The following LRP2 variants were observed in gnomAD, a reference collection of about 807,000 sequenced individuals.
The protein encoded by LRP2 is LDL receptor related protein 2.
LRP2 carries 172 observed loss-of-function variants against 531.0 expected under a neutral mutation model. The observed-to-expected ratio is 0.32, with a 90% CI of 0.29 to 0.37. LRP2 has a LOEUF of 0.37. LRP2 is among the 10% of genes least tolerant of loss of function. LRP2 has a pLI of 1.00. For synonymous variants in LRP2, 1,992 were observed against 2,027.6 expected (o/e 0.98, Z 0.47); for missense variants, 5,167 against 5,868.3 (o/e 0.88, Z 3.90).
chr2:169,359,863 C>T (rs1686096836), intron 1 of LRP2, among the ~76,000 whole-genome samples: 2 of 152,052 alleles, frequency 1.3e-5, no homozygotes, highest in Non-Finnish European at 2.9e-5. Context: ...GTGGCTCACA[C>T]CTGTAATCCT....
rs1368246151 is a variant in LRP2 at position 169,162,531 on chromosome 2, T to C, written c.11828A>G (p.His3943Arg). The change falls in exon 63 of 79, where the codon CAT becomes CGT. Residue 3943 changes from histidine (H) to arginine (R), a missense_variant. Physicochemically the swap from His to Arg is conservative, Grantham distance 29 (BLOSUM62 0). Around this residue, in one of 6 missense-constraint regions of LRP2, gnomAD observed 564 missense variants for 747.7 expected, o/e 0.75. Transcript: ENST00000649046. ...ATCGGCATCATCACACACATTGTCATGTGGAATGCAATGCCCATTGCCACA... is the reference window on the plus strand; with the variant it reads ...ATCGGCATCATCACACACATTGTCACGTGGAATGCAATGCCCATTGCCACA... ...YKCGNGHCIP[H>R]DNVCDDADDC... The C allele has an allele frequency of 6.2e-7, 1 of 1,614,226 alleles. No homozygotes were observed. The highest frequency in any genetic ancestry group is 8.5e-7 in the Non-Finnish European group (1 of 1,180,030).
intron 9 of LRP2, among the ~76,000 whole-genome samples, 197 bp from the exon 10 acceptor site, chr2:169,283,198 T>G (rs961510122): frequency 6.6e-6 from 1 of 152,216 alleles, no homozygotes; most frequent in Non-Finnish European, 1.5e-5. Flanking sequence ...TACATCATTT[T>G]TTAAACCTAC....
chr2:169,224,221 C>G (rs1289249571), intron 33 of LRP2, among the ~76,000 whole-genome samples: 3 of 152,186 alleles, frequency 2.0e-5, no homozygotes, highest in Non-Finnish European at 4.4e-5. Context: ...CAGCTGGTGC[C>G]CACCTAAAGC....
intron 60 of LRP2, among the ~76,000 whole-genome samples, chr2:169,169,203 CTCTCAGTCT>C (rs1249220088): frequency 1.3e-5 from 2 of 152,212 alleles, no homozygotes; most frequent in Non-Finnish European, 2.9e-5. Flanking sequence ...ATTTTGATCT[CTCTCAGTCT>C]TCTCAGTCTC....
intron 50 of LRP2, chr2:169,182,709 T>TA: frequency 2.2e-5 from 17 of 767,818 alleles, no homozygotes; most frequent in Non-Finnish European, 2.7e-5. Flanking sequence ...GAAACACACT[T>TA]GTCTAAGTGT....
chr2:169,185,837 T>C lies in LRP2; in HGVS notation c.9511A>G (p.Ile3171Val). The change falls in exon 50 of 79, where the codon ATA becomes GTA. Residue 3171 changes from isoleucine to valine, a missense_variant. Coordinates refer to ENST00000649046, the MANE Select transcript of LRP2 (RefSeq NM_004525.3). ...GCACACTTACAGATGTAGGAGCCTA[T>C]TACATTCTCACACTTCTGGCTACAG... ...FVCSQKCENV[I>V]GSYICKCAPG... 1 of 1,614,100 alleles carries C rather than the reference T, an allele frequency of 6.2e-7. No individual in the cohort carries two copies. The highest frequency in any genetic ancestry group is 8.5e-7 in the Non-Finnish European group (1 of 1,179,994).
intron 1 of LRP2, among the ~76,000 whole-genome samples, chr2:169,358,843 GT>G (rs1686064407): frequency 7.8e-6 from 1 of 128,742 alleles, no homozygotes; most frequent in South Asian, 2.6e-4. Context: ...TGAAAAATAA[GT>G]TTTTTTAATT....
chr2:169,346,205 C>G (rs1220847263), intron 1 of LRP2, among the ~76,000 whole-genome samples: 16 of 152,154 alleles, frequency 1.1e-4, no homozygotes, highest in Admixed American at 1.0e-3. Context: ...TAGCCCAAGT[C>G]CCTCTTGGTG....
chr2:169,148,676 A>G (rs770329874), intron 68 of LRP2, among the ~76,000 whole-genome samples: 1 of 152,200 alleles, frequency 6.6e-6, no homozygotes, highest in Non-Finnish European at 1.5e-5. Context: ...AAAGTATTAA[A>G]TACTCAAAAC....
rs1688411669 is a variant in LRP2, at chr2:169,206,896, C to T, written c.6824G>A (p.Ser2275Asn). The T allele has an allele frequency of 1.2e-6, 2 of 1,614,042 alleles. No homozygotes were observed. The highest frequency in any genetic ancestry group is 8.5e-7 in the Non-Finnish European group (1 of 1,180,046). ...GATGCCATAAGGAGTTGGGTAACGA[C>T]TGCCATAACGAATCACTTCAGAGTT... ...GENSEVIRYGSRYPTPYGITV... is the reference protein window; with the variant it reads ...GENSEVIRYGNRYPTPYGITV... Residue 2275 changes from serine (S) to asparagine (N), a missense_variant, in exon 39 of 79, where the codon AGT (serine) becomes AAT (asparagine). Coordinates refer to ENST00000649046, the MANE Select transcript of LRP2 (RefSeq NM_004525.3).
chr2:169,238,056 C>G, intron 27 of LRP2, 35 bp downstream of exon 27: 1 of 1,582,232 alleles, frequency 6.3e-7, no homozygotes, highest in Non-Finnish European at 8.7e-7. Context: ...GACAGAGGAA[C>G]TAGCCAGGCC....
At chr2:169,289,288 T>A in intron 8 of LRP2, 143 bp from the exon 9 acceptor site, 1 of 1,016,642 alleles carries the variant, frequency 9.8e-7, no homozygotes, top group Non-Finnish European at 1.5e-6. Flanking sequence ...CAAAGCTTAC[T>A]GCAAAACTTT....
chr2:169,265,269 A>G (rs1448031148), intron 16 of LRP2, among the ~76,000 whole-genome samples: 7 of 152,094 alleles, frequency 4.6e-5, no homozygotes, highest in Non-Finnish European at 8.8e-5. Context: ...GACCATCTCC[A>G]GAAAAGACTC....
intron 16 of LRP2, among the ~76,000 whole-genome samples, chr2:169,264,075 A>G (rs1690688149): frequency 6.6e-6 from 1 of 152,244 alleles, no homozygotes; most frequent in African/African-American, 2.4e-5. Context: ...GAAGGGGAAC[A>G]TCACACTCTG....
intron 4 of LRP2, among the ~76,000 whole-genome samples, chr2:169,297,733 T>C (rs1194456740): frequency 6.6e-6 from 1 of 152,168 alleles, no homozygotes; most frequent in Non-Finnish European, 1.5e-5. Flanking sequence ...GTTTACATAA[T>C]CAGGGAGGAG....
chr2:169,197,060 G>A, intron 45 of LRP2, 30 bp from the exon 46 acceptor site: 2 of 1,611,972 alleles, frequency 1.2e-6, no homozygotes, highest in Non-Finnish European at 1.7e-6. Context: ...TAAAACCCAT[G>A]AGCAAAACAC....
intron 33 of LRP2, among the ~76,000 whole-genome samples, chr2:169,223,871 G>C (rs187379617): frequency 2.0e-5 from 3 of 152,318 alleles, no homozygotes; most frequent in African/African-American, 7.2e-5. Context: ...CTGCCCTCAG[G>C]AATGTTGTGA....
At chr2:169,131,967 C>A (rs1685306686) in intron 77 of LRP2, among the ~76,000 whole-genome samples, 1 of 152,136 alleles carries the variant, frequency 6.6e-6, no homozygotes, top group Non-Finnish European at 1.5e-5. Flanking sequence ...TGCAAAGGAC[C>A]TGCAGGCATG....
chr2:169,270,973 G>T lies in LRP2; in HGVS notation c.2251C>A (p.Gln751Lys), dbSNP rs758682329. 6.2e-7 allele frequency: 1 copy of T among 1,613,216 alleles called. No homozygotes were observed. Among genetic ancestry groups the T allele is most frequent in the Non-Finnish European group, 8.5e-7 (1 of 1,179,596 alleles). ...SFFVGIDFDA[Q>K]DSTIFFSDMS... ...TCTGAAAAAAAGATAGTGCTGTCCT[G>T]GGCGTCAAAATCAATCCCGACAAAG... The change falls in exon 16 of 79, where the codon CAG becomes AAG. Residue 751 changes from glutamine to lysine, a missense_variant. Coordinates refer to ENST00000649046, the MANE Select transcript of LRP2 (RefSeq NM_004525.3).
Sources: gnomAD v4.1 joint callset for allele counts (sites outside exome capture counted in the v4.1 genomes callset) on GRCh38, gnomAD v4.1.1 for gene constraint, gnomAD v4.1.1 regional missense constraint, MANE v1.5 for transcripts, NCBI Gene and HGNC (gene_info 2026-07-23, HGNC 2026-07-21) for gene names.